MSRA: variants seen among roughly 807,000 people sequenced by gnomAD.
MSRA encodes the protein methionine sulfoxide reductase A, also known as mitochondrial peptide methionine sulfoxide reductase.
MSRA carries 54 observed loss-of-function variants against 31.3 expected under a neutral mutation model. The ratio of observed to expected loss-of-function variants is 1.73; its 90% CI spans 1.39 to 2.17. MSRA has a LOEUF of 2.17. Among genes scored for constraint, MSRA ranks in the 30% most tolerant of loss-of-function variants. The pLI is 0.00. For synonymous variants in MSRA, 169 were observed against 116.5 expected (o/e 1.45, Z -2.90); for missense variants, 507 against 300.9 (o/e 1.69, Z -5.07).
At chr8:10,075,532 T>G (rs1341193105) in intron 1 of MSRA, among the ~76,000 whole-genome samples, 3 of 152,242 alleles carry the variant, frequency 2.0e-5, no homozygotes, top group Non-Finnish European at 4.4e-5. Flanking sequence ...GAGAAGTGTT[T>G]CTACAAATAT....
chr8:10,098,424 C>A (rs563856569), intron 1 of MSRA, among the ~76,000 whole-genome samples: 4 of 152,214 alleles, frequency 2.6e-5, no homozygotes, highest in African/African-American at 9.6e-5. Flanking sequence ...AAGCGTTAGT[C>A]CAGTATTTTA....
rs1315369899 is a variant in MSRA, at chr8:10,134,893, A to G, written c.143-72940A>G. Reference sequence around the variant, plus strand: ...TAGGGTTTCTAAGAAATCAGTCCCAAAGAGCTCTTGCCCCGGAGTGTTTGT... The same window carrying G: ...TAGGGTTTCTAAGAAATCAGTCCCAGAGAGCTCTTGCCCCGGAGTGTTTGT... On this transcript the variant is annotated intron_variant, in intron 1 of 5. Transcript: ENST00000317173. 2.6e-5 allele frequency among the ~76,000 whole-genome samples: 4 copies of G among 152,236 alleles called. No individual in the cohort carries two copies. In the South Asian group the frequency reaches 6.2e-4, roughly 24 times the overall value.
intron 1 of MSRA, among the ~76,000 whole-genome samples, chr8:10,096,796 A>G (rs1195863911): frequency 2.6e-5 from 4 of 152,292 alleles, no homozygotes; most frequent in Non-Finnish European, 5.9e-5. Flanking sequence ...ATTGTAGGAG[A>G]GGTTAACTGT....
chr8:10,158,981 A>C (rs187921415), intron 1 of MSRA, among the ~76,000 whole-genome samples: 2 of 152,236 alleles, frequency 1.3e-5, no homozygotes, highest in African/African-American at 4.8e-5. Flanking sequence ...TAGCCATTGG[A>C]GGGTTTTAGG....
chr8:10,096,328 G>C, intron 1 of MSRA: 9 of 1,066,828 alleles, frequency 8.4e-6, no homozygotes, highest in Non-Finnish European at 1.0e-5. Flanking sequence ...TGTGAGCTTG[G>C]TCATTATTTT....
At chr8:10,094,102 C>G (rs1289231428) in intron 1 of MSRA, among the ~76,000 whole-genome samples, 3 of 152,198 alleles carry the variant, frequency 2.0e-5, no homozygotes, top group Non-Finnish European at 4.4e-5. Flanking sequence ...TTAGTCTGCC[C>G]ACGTTTCATC....
intron 3 of MSRA, among the ~76,000 whole-genome samples, chr8:10,283,148 A>ACTCTCTCT (rs1165614121): frequency 1.0e-5 from 1 of 95,560 alleles, no homozygotes; most frequent in African/African-American, 4.1e-5. Flanking sequence ...ACACACACAC[A>ACTCTCTCT]CACACACACA....
chr8:10,331,507 C>G (rs1373604840), intron 5 of MSRA, among the ~76,000 whole-genome samples: 3 of 152,182 alleles, frequency 2.0e-5, no homozygotes, highest in Admixed American at 6.5e-5. Context: ...TATGAGGAAA[C>G]TGAAGCTCAG....
intron 1 of MSRA, among the ~76,000 whole-genome samples, chr8:10,119,144 T>G (rs1333212508): frequency 6.6e-6 from 1 of 152,220 alleles, no homozygotes; most frequent in Non-Finnish European, 1.5e-5. Flanking sequence ...TCATAGCTTG[T>G]GTCTACACAA....
At chr8:10,405,937 C>A (rs1006261228) in intron 5 of MSRA, among the ~76,000 whole-genome samples, 5 of 152,276 alleles carry the variant, frequency 3.3e-5, no homozygotes, top group African/African-American at 1.2e-4. Context: ...CTCACATGTG[C>A]TCACACACAC....
chr8:10,168,301 C>T (rs963859651), intron 1 of MSRA, among the ~76,000 whole-genome samples: 5 of 152,058 alleles, frequency 3.3e-5, no homozygotes, highest in African/African-American at 1.2e-4. Context: ...GTGGAATTCC[C>T]AGTCTTCTAA....
At chr8:10,227,484 A>G (rs1272864468) in intron 2 of MSRA, among the ~76,000 whole-genome samples, 4 of 152,236 alleles carry the variant, frequency 2.6e-5, no homozygotes, top group African/African-American at 9.6e-5. Flanking sequence ...CATTGAGGCT[A>G]GATGAGAAGG....
chr8:10,227,243 G>A (rs74726454), intron 2 of MSRA, among the ~76,000 whole-genome samples: 1 of 152,254 alleles, frequency 6.6e-6, no homozygotes, highest in African/African-American at 2.4e-5. Context: ...TCAGAGTGTT[G>A]GCAGGTTGTC....
At chr8:10,345,445 C>T (rs2129154052) in intron 5 of MSRA, among the ~76,000 whole-genome samples, 1 of 152,250 alleles carries the variant, frequency 6.6e-6, no homozygotes, top group Middle Eastern at 3.4e-3. Context: ...AGTCTTGTAC[C>T]AAGCGATCCA....
At chr8:10,111,062 C>G (rs1433460432) in intron 1 of MSRA, among the ~76,000 whole-genome samples, 1 of 152,128 alleles carries the variant, frequency 6.6e-6, no homozygotes, top group Admixed American at 6.5e-5. Context: ...TCAGAACTTC[C>G]TGTGTGCTTG....
At chr8:10,375,863 G>A (rs1485406639) in intron 5 of MSRA, among the ~76,000 whole-genome samples, 1 of 152,158 alleles carries the variant, frequency 6.6e-6, no homozygotes, top group African/African-American at 2.4e-5. Flanking sequence ...GAATTCCCCC[G>A]ACCCGACTTC....
chr8:10,148,822 C>G (rs1366038889), intron 1 of MSRA, among the ~76,000 whole-genome samples: 1 of 82,568 alleles, frequency 1.2e-5, no homozygotes, highest in Middle Eastern at 5.4e-3. Context: ...AAAAAGGAAA[C>G]TCTGTCTCAA....
At chr8:10,244,853 T>C (rs1362373457) in intron 2 of MSRA, among the ~76,000 whole-genome samples, 2 of 152,186 alleles carry the variant, frequency 1.3e-5, no homozygotes, top group African/African-American at 4.8e-5. Flanking sequence ...CTAACTCCTT[T>C]AAATTTGAGG....
At chr8:10,392,890 CAAAAA>C (rs869085304) in intron 5 of MSRA, among the ~76,000 whole-genome samples, 4 of 113,280 alleles carry the variant, frequency 3.5e-5, no homozygotes, top group African/African-American at 7.9e-5. Flanking sequence ...ACTAAAAATG[CAAAAA>C]AAAAAAAAAA....
Sources: gnomAD v4.1 joint callset for allele counts (sites outside exome capture counted in the v4.1 genomes callset) on GRCh38, gnomAD v4.1.1 for gene constraint, MANE v1.5 for transcripts, NCBI Gene and HGNC (gene_info 2026-07-23, HGNC 2026-07-21) for gene names.